The following KCNQ3 variants were observed in gnomAD, a reference collection of about 807,000 sequenced individuals.
KCNQ3 encodes potassium voltage-gated channel subfamily KQT member 3.
Under a neutral mutation model 92.5 loss-of-function variants are expected in KCNQ3, and 30 were observed. That is an observed-to-expected ratio of 0.32 (90% CI 0.24 to 0.44). KCNQ3 has a LOEUF of 0.44. Among genes scored for constraint, KCNQ3 ranks in the 20% least tolerant of loss-of-function variants. The probability of loss-of-function intolerance (pLI) is 1.00; values close to 1 mark genes in which losing one functional copy is unlikely to be tolerated. For synonymous variants in KCNQ3, 450 were observed against 468.8 expected (o/e 0.96, Z 0.52); for missense variants, 913 against 1,140.3 (o/e 0.80, Z 2.87).
intron 1 of KCNQ3, among the ~76,000 whole-genome samples, chr8:132,396,171 A>G (rs1439391923): frequency 2.0e-5 from 3 of 152,096 alleles, no homozygotes; most frequent in Admixed American, 6.5e-5. Flanking sequence ...TGGGTGCTCC[A>G]CATATGTTTC....
chr8:132,248,310 C>A (rs1815256446), intron 1 of KCNQ3, among the ~76,000 whole-genome samples: 1 of 146,126 alleles, frequency 6.8e-6, no homozygotes, highest in Non-Finnish European at 1.5e-5. Flanking sequence ...AAAAGCTGAT[C>A]CATGGACCTT....
chr8:132,266,286 AAT>A (rs1312296386), intron 1 of KCNQ3, among the ~76,000 whole-genome samples: 1 of 152,234 alleles, frequency 6.6e-6, no homozygotes, highest in Non-Finnish European at 1.5e-5. Context: ...ATGGAAGACT[AAT>A]AGTCTCTCGG....
intron 7 of KCNQ3, among the ~76,000 whole-genome samples, 167 bp downstream of exon 7, chr8:132,172,431 C>G (rs148696308): frequency 2.7e-4 from 40 of 150,780 alleles, no homozygotes; most frequent in Middle Eastern, 3.4e-3. Flanking sequence ...CACACACACA[C>G]ACACAGACAC....
chr8:132,189,838 AG>A (rs145448980), intron 1 of KCNQ3, among the ~76,000 whole-genome samples: 16,239 of 144,388 alleles, frequency 0.11, 1,756 homozygotes, highest in African/African-American at 0.29. Flanking sequence ...AAAAAAAAAA[AG>A]TTATCCAAAA....
intron 1 of KCNQ3, among the ~76,000 whole-genome samples, chr8:132,312,189 T>C (rs932180077): frequency 6.6e-6 from 1 of 152,210 alleles, no homozygotes; most frequent in Non-Finnish European, 1.5e-5. Context: ...AATACATTTC[T>C]GTTGTTTTAA....
At chr8:132,231,982 C>A (rs1239204652) in intron 1 of KCNQ3, among the ~76,000 whole-genome samples, 4 of 152,176 alleles carry the variant, frequency 2.6e-5, no homozygotes, top group African/African-American at 9.7e-5. Flanking sequence ...CTTATACCTC[C>A]CTACTGGAAT....
At position 132,444,950 on chromosome 8, in the gene KCNQ3, G is replaced by A. The variant is rs1265050081; in HGVS notation, c.386+35197C>T. Among the ~76,000 whole-genome samples the A allele has an allele frequency of 2.6e-5, 4 of 152,194 alleles. No homozygotes were observed. In the East Asian group the frequency reaches 7.7e-4, roughly 29 times the overall value. On this transcript the variant is annotated intron_variant, in intron 1 of 14. Coordinates refer to ENST00000388996, the MANE Select transcript of KCNQ3 (RefSeq NM_004519.4). ...CTAGAAACATTGAGCTTTATTCTTA[G>A]AACAAAATTAGTTGGTGAGAAAGTA...
intron 1 of KCNQ3, among the ~76,000 whole-genome samples, chr8:132,221,429 C>T (rs1019198956): frequency 1.3e-5 from 2 of 152,340 alleles, no homozygotes; most frequent in East Asian, 3.9e-4. Flanking sequence ...TACAGTCCCA[C>T]CAACAGTGTA....
intron 1 of KCNQ3, among the ~76,000 whole-genome samples, chr8:132,236,768 T>C (rs1273250233): frequency 6.6e-6 from 1 of 152,206 alleles, no homozygotes; most frequent in African/African-American, 2.4e-5. Flanking sequence ...GCCCTTTAAA[T>C]CTGAGTGTAG....
intron 1 of KCNQ3, among the ~76,000 whole-genome samples, chr8:132,466,633 C>G (rs1268750273): frequency 6.6e-6 from 1 of 152,248 alleles, no homozygotes. Context: ...TCTTATTTCA[C>G]TTACCTTCCC....
At chr8:132,449,627 G>A (rs924057250) in intron 1 of KCNQ3, among the ~76,000 whole-genome samples, 1 of 152,264 alleles carries the variant, frequency 6.6e-6, no homozygotes, top group Non-Finnish European at 1.5e-5. Context: ...GGCCCTGCCT[G>A]GGTCATGTGC....
rs886813565 is a variant in KCNQ3 at position 132,124,367 on chromosome 8, A to T, written c.*4895T>A. The T allele has an allele frequency of 1.3e-5, 2 of 152,250 alleles. No homozygotes were observed. The highest frequency in any genetic ancestry group is 4.8e-5 in the African/African-American group (2 of 41,472). 9.4% of individuals were successfully genotyped at this position (152,250 alleles called of 1,614,324 possible). On this transcript the variant is annotated 3_prime_UTR_variant, in exon 15 of 15. Coordinates refer to ENST00000388996, the MANE Select transcript of KCNQ3 (RefSeq NM_004519.4). ...CATACTGTAAAAAAATAACATAAAT[A>T]ACAGTCCCTAGTATGCATCAGTCAT... is the stretch of plus-strand genomic sequence containing the variant.
In KCNQ3 at chr8:132,311,330, C is replaced by G. The variant is rs7005139; in HGVS notation, c.387-125149G>C. Among the ~76,000 whole-genome samples the G allele has an allele frequency of 3.2e-3, 483 of 151,958 alleles. 3 individuals carry two copies. Among genetic ancestry groups the G allele is most frequent in the African/African-American group, 0.011 (461 of 41,442 alleles). On this transcript the variant is annotated intron_variant, in intron 1 of 14. Coordinates refer to ENST00000388996, the MANE Select transcript of KCNQ3 (RefSeq NM_004519.4). ...TATCATTTGCTTTGGTAGGGCATGA[C>G]AGCAAAAAGATACCACCAAATCATT...
At chr8:132,298,212 T>C (rs1817106497) in intron 1 of KCNQ3, among the ~76,000 whole-genome samples, 1 of 152,164 alleles carries the variant, frequency 6.6e-6, no homozygotes, top group Non-Finnish European at 1.5e-5. Flanking sequence ...ATGAGACTCT[T>C]GAGTGTTAAA....
At chr8:132,243,417 G>A (rs1413950279) in intron 1 of KCNQ3, among the ~76,000 whole-genome samples, 1 of 152,220 alleles carries the variant, frequency 6.6e-6, no homozygotes, top group African/African-American at 2.4e-5. Context: ...AGCAGAGAAG[G>A]TGACAAGGAG....
intron 1 of KCNQ3, among the ~76,000 whole-genome samples, chr8:132,200,121 A>G (rs889935692): frequency 1.3e-5 from 2 of 152,198 alleles, no homozygotes; most frequent in Admixed American, 1.3e-4. Flanking sequence ...AATCATACCT[A>G]TAAATAACAC....
intron 1 of KCNQ3, among the ~76,000 whole-genome samples, chr8:132,238,869 C>T (rs1814900885): frequency 6.6e-6 from 1 of 152,086 alleles, no homozygotes; most frequent in African/African-American, 2.4e-5. Flanking sequence ...AGACTGCAAC[C>T]ATATGAATGA....
intron 1 of KCNQ3, among the ~76,000 whole-genome samples, chr8:132,438,955 C>T (rs375220847): frequency 4.0e-5 from 6 of 149,032 alleles, no homozygotes; most frequent in African/African-American, 1.5e-4. Context: ...ATTCTGCTAT[C>T]TAGTGGCAGT....
chr8:132,283,102 T>TGTGTGTGTGTGTATGTGTG (rs1554640534), intron 1 of KCNQ3, among the ~76,000 whole-genome samples: 103 of 151,848 alleles, frequency 6.8e-4, no homozygotes, highest in African/African-American at 2.5e-3. Context: ...CGTGTGTGTG[T>TGTGTGTGTGTGTATGTGTG]GTGTGTGTGT....
Sources: gnomAD v4.1 joint callset for allele counts (sites outside exome capture counted in the v4.1 genomes callset) on GRCh38, gnomAD v4.1.1 for gene constraint, MANE v1.5 for transcripts, NCBI Gene and HGNC (gene_info 2026-07-23, HGNC 2026-07-21) for gene names.